ATP2B2: variants seen among roughly 807,000 people sequenced by gnomAD.
The protein encoded by ATP2B2 is ATPase plasma membrane Ca2+ transporting 2.
A neutral mutation model predicts 120.0 loss-of-function variants in ATP2B2; 15 were observed. That is an observed-to-expected ratio of 0.12 (90% CI 0.08 to 0.19). The LOEUF (loss-of-function observed/expected upper bound fraction) is 0.19, where lower values mean the gene tolerates loss of function less well. Among genes scored for constraint, ATP2B2 ranks in the 10% least tolerant of loss-of-function variants. ATP2B2 has a pLI of 1.00. For synonymous variants in ATP2B2, 694 were observed against 700.3 expected (o/e 0.99, Z 0.14); for missense variants, 1,045 against 1,719.8 (o/e 0.61, Z 6.94).
At chr3:10,566,207 C>A (rs986614478) in intron 2 of ATP2B2, 1 of 152,232 alleles carries the variant, frequency 6.6e-6, no homozygotes, top group Non-Finnish European at 1.5e-5. Flanking sequence ...TGTTCACCCA[C>A]TAGTTAGTGG....
intron 1 of ATP2B2, among the ~76,000 whole-genome samples, chr3:10,632,009 G>A (rs2069878246): frequency 6.6e-6 from 1 of 152,208 alleles, no homozygotes; most frequent in African/African-American, 2.4e-5. Context: ...AGCCTGGACT[G>A]GGACCCTCAG....
intron 2 of ATP2B2, among the ~76,000 whole-genome samples, chr3:10,423,252 C>T (rs2063045151): frequency 6.6e-6 from 1 of 152,214 alleles, no homozygotes; most frequent in South Asian, 2.1e-4. Flanking sequence ...GCCACCCATC[C>T]CTAAGGCTCC....
At chr3:10,575,551 T>TAC (rs1412226574) in intron 2 of ATP2B2, among the ~76,000 whole-genome samples, 6 of 152,172 alleles carry the variant, frequency 3.9e-5, no homozygotes, top group Non-Finnish European at 7.4e-5. Flanking sequence ...GCTGCTGAAC[T>TAC]ACACACTTAT....
intron 3 of ATP2B2, among the ~76,000 whole-genome samples, chr3:10,512,156 C>A (rs1195579523): frequency 1.3e-5 from 2 of 152,088 alleles, no homozygotes; most frequent in African/African-American, 4.8e-5. Flanking sequence ...ATTGAGGATC[C>A]AGATATGCAT....
intron 1 of ATP2B2, among the ~76,000 whole-genome samples, chr3:10,502,419 T>G (rs1342627597): frequency 6.6e-6 from 1 of 152,192 alleles, no homozygotes; most frequent in African/African-American, 2.4e-5. Context: ...CCCAGGGCTC[T>G]CATACTTTCC....
chr3:10,433,414 A>G (rs570116597), intron 2 of ATP2B2, among the ~76,000 whole-genome samples: 5 of 152,110 alleles, frequency 3.3e-5, no homozygotes, highest in African/African-American at 7.2e-5. Context: ...TGATACTGTG[A>G]TTTCTCCAAA....
chr3:10,369,926 C>T (rs1184101804), intron 12 of ATP2B2, among the ~76,000 whole-genome samples: 1 of 152,150 alleles, frequency 6.6e-6, no homozygotes, highest in Admixed American at 6.5e-5. Flanking sequence ...AAGAAAGACC[C>T]AGAAAGACAG....
chr3:10,527,416 T>C (rs1485188361), intron 3 of ATP2B2, among the ~76,000 whole-genome samples: 1 of 152,210 alleles, frequency 6.6e-6, no homozygotes, highest in Non-Finnish European at 1.5e-5. Context: ...GATTTGAACC[T>C]GGGTCTTCTG....
At chr3:10,486,330 T>TGCGTGTGTGTGTGCGTGTGTGC (rs138585062) in intron 1 of ATP2B2, among the ~76,000 whole-genome samples, 1 of 149,020 alleles carries the variant, frequency 6.7e-6, no homozygotes, top group Non-Finnish European at 1.5e-5. Context: ...CGTGCGTGTG[T>TGCGTGTGTGTGTGCGTGTGTGC]GTGTGTGTGT....
At position 10,449,865 on chromosome 3, in the gene ATP2B2, G is replaced by T; in HGVS notation, c.-319-3C>A. 2.4e-6 allele frequency: 1 copy of T among 424,218 alleles called. No homozygotes were observed. The highest frequency in any genetic ancestry group is 4.4e-6 in the Non-Finnish European group (1 of 225,212). 26.3% of individuals were successfully genotyped at this position (424,218 alleles called of 1,614,324 possible). The stretch of plus-strand genomic sequence containing the variant: ...TACATGGTCAGGGGTGGTGGCTCCT[G>T]TGGGACAAGCACAGAGTGAGTGACA... On this transcript the variant is annotated splice_region_variant and splice_polypyrimidine_tract_variant and intron_variant, in intron 1 of 22. Coordinates refer to ENST00000360273, the MANE Select transcript of ATP2B2 (RefSeq NM_001001331.4).
rs1462693826 is a variant in ATP2B2, at chr3:10,385,460, A to G, written c.941-133T>C. On this transcript the variant is annotated intron_variant, in intron 7 of 22. Transcript: ENST00000360273. ...AAAAAAAAATTATCCTTTGGAAACCAAGAAACTCAAATTTGGGGTGGGGGT... is the reference window on the plus strand; with the variant it reads ...AAAAAAAAATTATCCTTTGGAAACCGAGAAACTCAAATTTGGGGTGGGGGT... 7.8e-6 allele frequency: 6 copies of G among 765,636 alleles called. No individual in the cohort carries two copies. In the East Asian group the frequency reaches 1.6e-4, roughly 21 times the overall value. The allele number at this position is 765,636 out of a possible 1,614,324, so 47.4% of individuals were successfully genotyped here. A position where few individuals can be genotyped will look rare whatever the true frequency, so the allele number is the denominator to read the frequency against.
At chr3:10,679,960 C>T (rs1357388506) in intron 1 of ATP2B2, among the ~76,000 whole-genome samples, 3 of 152,128 alleles carry the variant, frequency 2.0e-5, no homozygotes, top group Admixed American at 6.5e-5. Context: ...GTATATGGTT[C>T]GAGGATGTTA....
At chr3:10,568,972 C>T (rs1408275090) in intron 2 of ATP2B2, among the ~76,000 whole-genome samples, 1 of 152,266 alleles carries the variant, frequency 6.6e-6, no homozygotes, top group Non-Finnish European at 1.5e-5. Flanking sequence ...AACAACTTGC[C>T]GAATATAACT....
chr3:10,534,961 T>C (rs540550595), intron 2 of ATP2B2, among the ~76,000 whole-genome samples: 1 of 140,726 alleles, frequency 7.1e-6, no homozygotes, highest in African/African-American at 2.7e-5. Flanking sequence ...TGGAGTGCAA[T>C]GGCATGATCT....
At chr3:10,496,519 A>T (rs757622808) in intron 1 of ATP2B2, among the ~76,000 whole-genome samples, 2 of 152,160 alleles carry the variant, frequency 1.3e-5, no homozygotes, top group Non-Finnish European at 2.9e-5. Context: ...CCCCCAAGGG[A>T]TCAGCTGAGG....
rs2063961060 is a variant in ATP2B2 at position 10,449,548 on chromosome 3, G to A, written c.-5C>T. 1.2e-6 allele frequency: 2 copies of A among 1,614,248 alleles called. No individual in the cohort carries two copies. Among genetic ancestry groups the A allele is most frequent in the Non-Finnish European group, 1.7e-6 (2 of 1,180,044 alleles). ...GCTGTTGGTCATGTCACCCATGTTT[G>A]CTGCGGTCCTTGCTCGGGCTGGGCC... On this transcript the variant is annotated 5_prime_UTR_variant, in exon 2 of 23. Transcript: ENST00000360273.
intron 1 of ATP2B2, among the ~76,000 whole-genome samples, chr3:10,637,013 A>G (rs1329593717): frequency 6.6e-6 from 1 of 152,258 alleles, no homozygotes; most frequent in Non-Finnish European, 1.5e-5. Context: ...GCCTATTGCC[A>G]TTAGCCAGAC....
chr3:10,423,577 T>C (rs1223885756), intron 2 of ATP2B2, among the ~76,000 whole-genome samples: 1 of 152,216 alleles, frequency 6.6e-6, no homozygotes, highest in African/African-American at 2.4e-5. Context: ...GAGAGGTCTT[T>C]GTCTCAGCCC....
intron 3 of ATP2B2, among the ~76,000 whole-genome samples, chr3:10,533,594 A>C (rs1050367819): frequency 1.3e-5 from 2 of 152,180 alleles, no homozygotes; most frequent in Non-Finnish European, 2.9e-5. Flanking sequence ...TGACTACCCC[A>C]GCTCCAACGC....
Sources: allele counts gnomAD v4.1 joint callset (sites outside exome capture counted in the v4.1 genomes callset), GRCh38; gene constraint gnomAD v4.1.1; transcripts MANE v1.5; gene names NCBI Gene and HGNC (gene_info 2026-07-23, HGNC 2026-07-21).